ADAMTS19: variants seen among roughly 807,000 people sequenced by gnomAD.
ADAMTS19 encodes the protein A disintegrin and metalloproteinase with thrombospondin motifs 19.
ADAMTS19 carries 93 observed loss-of-function variants against 153.3 expected under a neutral mutation model. The observed-to-expected ratio is 0.61, with a 90% CI of 0.51 to 0.72. The LOEUF (loss-of-function observed/expected upper bound fraction) is 0.72, where lower values mean the gene tolerates loss of function less well. Ranked by LOEUF, ADAMTS19 falls within the 30% of genes least tolerant of loss-of-function variation. The pLI is 0.00. For synonymous variants in ADAMTS19, 600 were observed against 556.6 expected, an observed-to-expected ratio of 1.08 and a Z score of -1.10; for missense variants, 1,482 against 1,552.1, an observed-to-expected ratio of 0.95 and a Z score of 0.76.
intron 16 of ADAMTS19, among the ~76,000 whole-genome samples, chr5:129,669,728 A>G (rs534615533): frequency 1.2e-4 from 18 of 152,082 alleles, no homozygotes; most frequent in African/African-American, 4.1e-4. Context: ...TTTTCTCCCT[A>G]GGAAAACCTT....
intron 5 of ADAMTS19, among the ~76,000 whole-genome samples, chr5:129,528,244 A>C (rs1233102969): frequency 6.6e-6 from 1 of 152,018 alleles, no homozygotes; most frequent in Non-Finnish European, 1.5e-5. Flanking sequence ...TTGTAGAAAC[A>C]AGTTATTTAA....
chr5:129,529,284 T>G (rs572283685), intron 6 of ADAMTS19, among the ~76,000 whole-genome samples: 79 of 152,272 alleles, frequency 5.2e-4, no homozygotes, highest in Non-Finnish European at 1.0e-3. Context: ...AATAAGTAAT[T>G]CATTGTGAAC....
At chr5:129,678,453 C>A (rs2127112992) in intron 16 of ADAMTS19, among the ~76,000 whole-genome samples, 1 of 152,148 alleles carries the variant, frequency 6.6e-6, no homozygotes, top group African/African-American at 2.4e-5. Flanking sequence ...AGTGTAAGTT[C>A]CATGAAGACA....
At chr5:129,566,596 C>T (rs1339158742) in intron 7 of ADAMTS19, among the ~76,000 whole-genome samples, 1 of 152,158 alleles carries the variant, frequency 6.6e-6, no homozygotes. Flanking sequence ...ACAGCCCACA[C>T]TTGTAAGTTG....
At chr5:129,689,173 A>C (rs1197418848) in intron 18 of ADAMTS19, among the ~76,000 whole-genome samples, 1 of 152,112 alleles carries the variant, frequency 6.6e-6, no homozygotes, top group Non-Finnish European at 1.5e-5. Context: ...AAGCAGATCT[A>C]CTTTGAAGGA....
chr5:129,714,626 T>G (rs1756641055), intron 21 of ADAMTS19, among the ~76,000 whole-genome samples: 1 of 152,134 alleles, frequency 6.6e-6, no homozygotes, highest in Non-Finnish European at 1.5e-5. Context: ...GTGCAGACGC[T>G]ACGTAACTGA....
At chr5:129,686,799 T>G (rs1755112737) in intron 18 of ADAMTS19, among the ~76,000 whole-genome samples, 1 of 152,186 alleles carries the variant, frequency 6.6e-6, no homozygotes, top group African/African-American at 2.4e-5. Flanking sequence ...GAATTCACTT[T>G]GTGCCCCAAG....
At chr5:129,694,934 T>C (rs1444270190) in intron 19 of ADAMTS19, 79 bp downstream of exon 19, 1 of 1,310,172 alleles carries the variant, frequency 7.6e-7, no homozygotes, top group Admixed American at 2.8e-5. Context: ...AGAATATCAT[T>C]GAAATCACAT....
intron 2 of ADAMTS19, among the ~76,000 whole-genome samples, chr5:129,469,070 C>T (rs183520717): frequency 2.0e-5 from 3 of 152,148 alleles, no homozygotes; most frequent in African/African-American, 4.8e-5. Context: ...AGTCACCACA[C>T]CAGGCCATCT....
At chr5:129,667,648 C>A (rs11951112) in intron 16 of ADAMTS19, among the ~76,000 whole-genome samples, 1 of 151,968 alleles carries the variant, frequency 6.6e-6, no homozygotes, top group African/African-American at 2.4e-5. Context: ...CCTGCTCCAC[C>A]TGCACTTTCG....
At chr5:129,695,721 A>C (rs952486066) in intron 19 of ADAMTS19, among the ~76,000 whole-genome samples, 1 of 152,190 alleles carries the variant, frequency 6.6e-6, no homozygotes, top group African/African-American at 2.4e-5. Flanking sequence ...GGGGTGACAG[A>C]AAGAGTGAGG....
chr5:129,550,742 A>T (rs1370294888), intron 6 of ADAMTS19, among the ~76,000 whole-genome samples: 1 of 151,560 alleles, frequency 6.6e-6, no homozygotes, highest in Non-Finnish European at 1.5e-5. Flanking sequence ...TACAGCTTTC[A>T]GATCCTGTAA....
At chr5:129,628,215 A>G (rs1752141384) in intron 10 of ADAMTS19, among the ~76,000 whole-genome samples, 2 of 152,066 alleles carry the variant, frequency 1.3e-5, no homozygotes. Context: ...AAAACCAAAT[A>G]CCATTTGTTC....
chr5:129,730,273 T>G (rs1022027671), intron 21 of ADAMTS19, among the ~76,000 whole-genome samples: 3 of 152,062 alleles, frequency 2.0e-5, no homozygotes, highest in Non-Finnish European at 2.9e-5. Context: ...CCTGTAGAAG[T>G]TTAAGAGAAA....
chr5:129,519,043 T>C (rs1381429880), intron 3 of ADAMTS19, among the ~76,000 whole-genome samples: 1 of 152,136 alleles, frequency 6.6e-6, no homozygotes, highest in African/African-American at 2.4e-5. Flanking sequence ...TTGAGTCTTC[T>C]TAATTATTTC....
At chr5:129,635,516 C>T (rs529799580) in intron 10 of ADAMTS19, among the ~76,000 whole-genome samples, 1 of 152,218 alleles carries the variant, frequency 6.6e-6, no homozygotes, top group Non-Finnish European at 1.5e-5. Context: ...AAATGTTCAT[C>T]AGTGATAGAC....
At chr5:129,720,329 G>T (rs1351665905) in intron 21 of ADAMTS19, among the ~76,000 whole-genome samples, 1 of 151,536 alleles carries the variant, frequency 6.6e-6, no homozygotes, top group East Asian at 2.0e-4. Flanking sequence ...CCGCCACCAC[G>T]CCCGGCTGAT....
chr5:129,563,469 T>G (rs1355011986), intron 7 of ADAMTS19, among the ~76,000 whole-genome samples: 1 of 152,128 alleles, frequency 6.6e-6, no homozygotes, highest in African/African-American at 2.4e-5. Flanking sequence ...TCAAGGGAGT[T>G]CCAATGCATT....
intron 7 of ADAMTS19, among the ~76,000 whole-genome samples, chr5:129,591,420 G>A (rs1012710691): frequency 1.3e-5 from 2 of 151,658 alleles, no homozygotes; most frequent in African/African-American, 4.8e-5. Context: ...AGCCTCCCGA[G>A]TAGCTGGAAC....
Sources: gnomAD v4.1 joint callset for allele counts (sites outside exome capture counted in the v4.1 genomes callset) on GRCh38, gnomAD v4.1.1 for gene constraint, MANE v1.5 for transcripts, NCBI Gene and HGNC (gene_info 2026-07-23, HGNC 2026-07-21) for gene names.